Variants in TMEM267 observed in about 807,000 individuals in gnomAD.
TMEM267 encodes the protein transmembrane protein C5orf28.
Under a neutral mutation model 19.3 loss-of-function variants are expected in TMEM267, and 20 were observed. That is an observed-to-expected ratio of 1.04 (90% CI 0.73 to 1.51). The LOEUF is 1.51. Ranked by LOEUF, TMEM267 falls within the 40% of genes most tolerant of loss-of-function variation. The pLI is 0.00. For missense variants in TMEM267, 242 were observed against 261.9 expected (o/e 0.92, Z 0.52); for synonymous variants, 88 against 90.3 (o/e 0.97, Z 0.15).
At chr5:43,477,209 C>A (rs2132004) in intron 1 of TMEM267, among the ~76,000 whole-genome samples, 11 of 152,050 alleles carry the variant, frequency 7.2e-5, no homozygotes, top group South Asian at 2.1e-4. Flanking sequence ...ACAACAACAA[C>A]AAATAAGGAA....
chr5:43,446,350 A>C lies in TMEM267; in HGVS notation c.520T>G (p.Ser174Ala), dbSNP rs1334705589. 1.2e-6 allele frequency: 2 copies of C among 1,613,864 alleles called. No homozygotes were observed. The part of the protein sequence containing the change: ...GLWICPFGKT[S>A]PLPFWLYVII... Reference sequence around the variant, plus strand: ...ACATAAAGCCAGAATGGCAAAGGAGAAGTTTTTCCAAATGGGCATATCCAC... The same window carrying C: ...ACATAAAGCCAGAATGGCAAAGGAGCAGTTTTTCCAAATGGGCATATCCAC... The change falls in exon 3 of 3, where the codon TCT becomes GCT. Residue 174 changes from serine (S) to alanine (A), a missense_variant. By Grantham distance (99) the Ser-to-Ala change is moderately conservative. Transcript: ENST00000397080.
chr5:43,477,438 A>G (rs1308150374), intron 1 of TMEM267, among the ~76,000 whole-genome samples: 1 of 152,080 alleles, frequency 6.6e-6, no homozygotes, highest in Non-Finnish European at 1.5e-5. Flanking sequence ...AACAAAATAC[A>G]AAAAATTTAG....
chr5:43,449,896 T>G (rs1240002490), intron 2 of TMEM267, among the ~76,000 whole-genome samples: 1 of 152,214 alleles, frequency 6.6e-6, no homozygotes, highest in Non-Finnish European at 1.5e-5. Context: ...TACACTCTTA[T>G]TTGTGAATTA....
At chr5:43,481,789 C>G (rs1744788401) in intron 1 of TMEM267, among the ~76,000 whole-genome samples, 1 of 152,068 alleles carries the variant, frequency 6.6e-6, no homozygotes, top group Non-Finnish European at 1.5e-5. Flanking sequence ...GCCAGAACCG[C>G]CAGCTAAGTC....
At chr5:43,453,408 C>A (rs1742730133) in intron 2 of TMEM267, among the ~76,000 whole-genome samples, 1 of 152,222 alleles carries the variant, frequency 6.6e-6, no homozygotes, top group South Asian at 2.1e-4. Flanking sequence ...TAAGCCAGCA[C>A]TGAACTCTTT....
At chr5:43,448,793 C>G (rs977118048) in intron 2 of TMEM267, among the ~76,000 whole-genome samples, 6 of 150,232 alleles carry the variant, frequency 4.0e-5, no homozygotes, top group African/African-American at 7.4e-5. Flanking sequence ...AACCCCCCCC[C>G]ACAAAAAAAA....
intron 1 of TMEM267, among the ~76,000 whole-genome samples, chr5:43,463,341 G>A (rs970421287): frequency 6.6e-6 from 1 of 152,200 alleles, no homozygotes; most frequent in Admixed American, 6.5e-5. Flanking sequence ...TGTATTCACA[G>A]CCGAATTCTA....
At chr5:43,480,797 C>CTTTTCT (rs1744711812) in intron 1 of TMEM267, among the ~76,000 whole-genome samples, 2 of 79,582 alleles carry the variant, frequency 2.5e-5, no homozygotes, top group Non-Finnish European at 2.3e-5. Flanking sequence ...AATAATCTTA[C>CTTTTCT]TTTTTTTTTT....
intron 1 of TMEM267, among the ~76,000 whole-genome samples, chr5:43,480,511 C>T (rs949661131): frequency 6.6e-6 from 1 of 151,248 alleles, no homozygotes; most frequent in African/African-American, 2.4e-5. Flanking sequence ...TTTTAAGAGA[C>T]AGGGTCCCTC....
At chr5:43,446,944 A>G (rs1037130378) in intron 2 of TMEM267, among the ~76,000 whole-genome samples, 1 of 152,096 alleles carries the variant, frequency 6.6e-6, no homozygotes, top group Non-Finnish European at 1.5e-5. Context: ...CAAATAAAAT[A>G]TTCTTTAGTT....
chr5:43,468,062 A>C (rs1452228741), intron 1 of TMEM267, among the ~76,000 whole-genome samples: 1 of 151,480 alleles, frequency 6.6e-6, no homozygotes, highest in Admixed American at 6.6e-5. Flanking sequence ...TAATGCTCAA[A>C]ATTCTCTCGG....
At chr5:43,447,853 T>C (rs1742350126) in intron 2 of TMEM267, among the ~76,000 whole-genome samples, 1 of 152,130 alleles carries the variant, frequency 6.6e-6, no homozygotes. Flanking sequence ...CTGAAGAGTG[T>C]CCTAGTAGGT....
At chr5:43,459,185 A>T (rs1743114730) in intron 1 of TMEM267, among the ~76,000 whole-genome samples, 1 of 152,200 alleles carries the variant, frequency 6.6e-6, no homozygotes, top group African/African-American at 2.4e-5. Context: ...TGCCTTAGAA[A>T]TTATACACCC....
At chr5:43,468,122 A>C (rs997163803) in intron 1 of TMEM267, among the ~76,000 whole-genome samples, 2 of 120,446 alleles carry the variant, frequency 1.7e-5, no homozygotes, top group Non-Finnish European at 3.4e-5. Flanking sequence ...TAGGAAGGGG[A>C]GTGGGGGGGC....
chr5:43,475,593 G>T (rs962635319), intron 1 of TMEM267, among the ~76,000 whole-genome samples: 1 of 152,020 alleles, frequency 6.6e-6, no homozygotes, highest in African/African-American at 2.4e-5. Flanking sequence ...ATGTAATGAG[G>T]AAAAAGAATA....
chr5:43,471,428 A>T (rs1744061113), intron 1 of TMEM267, among the ~76,000 whole-genome samples: 1 of 151,894 alleles, frequency 6.6e-6, no homozygotes, highest in Non-Finnish European at 1.5e-5. Flanking sequence ...TCACAGAAAC[A>T]GAAAAAAAAA....
rs1426543524 is a variant in TMEM267, at chr5:43,444,255, C to G, written c.*1967G>C. 6.6e-6 allele frequency: 1 copy of G among 152,084 alleles called. No homozygotes were observed. The highest frequency in any genetic ancestry group is 1.5e-5 in the Non-Finnish European group (1 of 68,000). The allele number at this position is 152,084 out of a possible 1,614,324, so 9.4% of individuals were successfully genotyped here. ...AAAGTTATGACAACCCAAAAAATGCCTATGTAGCATTCTTATTTATTTATT... is the reference window on the plus strand; with the variant it reads ...AAAGTTATGACAACCCAAAAAATGCGTATGTAGCATTCTTATTTATTTATT... On this transcript the variant is annotated 3_prime_UTR_variant, in exon 3 of 3. Coordinates refer to ENST00000397080, the MANE Select transcript of TMEM267 (RefSeq NM_022483.5).
intron 1 of TMEM267, among the ~76,000 whole-genome samples, chr5:43,456,264 C>T (rs1742944432): frequency 6.6e-6 from 1 of 152,060 alleles, no homozygotes; most frequent in South Asian, 2.1e-4. Context: ...ATATCTTACT[C>T]CATATACAAA....
At position 43,446,362 on chromosome 5, in the gene TMEM267, A is replaced by G; in HGVS notation, c.508T>C (p.Phe170Leu). ...GIRHGLWICP[F>L]GKTSPLPFWL... ...AATGGCAAAGGAGAAGTTTTTCCAA[A>G]TGGGCATATCCACAAACCATGACGA... Residue 170 changes from phenylalanine to leucine, a missense_variant, in exon 3 of 3, where the codon TTT becomes CTT. Transcript: ENST00000397080. The G allele has an allele frequency of 6.2e-7, 1 of 1,614,154 alleles. No homozygotes were observed. Among genetic ancestry groups the G allele is most frequent in the Non-Finnish European group, 8.5e-7 (1 of 1,179,982 alleles).
Sources: gnomAD v4.1 joint callset for allele counts (sites outside exome capture counted in the v4.1 genomes callset) on GRCh38, gnomAD v4.1.1 for gene constraint, MANE v1.5 for transcripts, NCBI Gene and HGNC (gene_info 2026-07-23, HGNC 2026-07-21) for gene names.